Variants in PDCD1LG2 observed in about 807,000 individuals in gnomAD.
PDCD1LG2 encodes programmed cell death 1 ligand 2.
PDCD1LG2 carries 32 observed loss-of-function variants against 28.2 expected under a neutral mutation model. That is an observed-to-expected ratio of 1.13 (90% confidence interval 0.86 to 1.52). PDCD1LG2 has a LOEUF of 1.52. Among genes scored for constraint, PDCD1LG2 ranks in the 40% most tolerant of loss-of-function variants. PDCD1LG2 has a pLI of 0.00. For missense variants in PDCD1LG2, 385 were observed against 323.8 expected, an observed-to-expected ratio of 1.19 and a Z score of -1.45; for synonymous variants, 116 against 120.2, an observed-to-expected ratio of 0.97 and a Z score of 0.23.
chr9:5,518,253 T>G (rs1430356303), intron 1 of PDCD1LG2, among the ~76,000 whole-genome samples: 1 of 152,222 alleles, frequency 6.6e-6, no homozygotes, highest in African/African-American at 2.4e-5. Context: ...ATAAACCATA[T>G]TTTCCCCAGA....
intron 2 of PDCD1LG2, among the ~76,000 whole-genome samples, chr9:5,527,516 T>C (rs551849818): frequency 6.6e-6 from 1 of 152,378 alleles, no homozygotes; most frequent in African/African-American, 2.4e-5. Flanking sequence ...TTGAGTATAT[T>C]CTAGTGTATG....
At chr9:5,565,190 AT>A (rs1001274401) in intron 6 of PDCD1LG2, among the ~76,000 whole-genome samples, 13 of 151,180 alleles carry the variant, frequency 8.6e-5, no homozygotes, top group Middle Eastern at 3.4e-3. Flanking sequence ...ATTTAATTCA[AT>A]TTTTTTTTAG....
rs939466842 is a variant in PDCD1LG2, at chr9:5,554,565, C to T, written c.632-3053C>T. On this transcript the variant is annotated intron_variant, in intron 4 of 6. Transcript: ENST00000397747. ...AGAGTATGGTGGGTGGAGGGTACTC[C>T]ACTGACTCTAGAATGGATGACTGAA... Among the ~76,000 whole-genome samples, 5 of 152,314 alleles carry T rather than the reference C, an allele frequency of 3.3e-5. No homozygotes were observed. In the South Asian group the frequency reaches 1.0e-3, roughly 32 times the overall value.
chr9:5,559,951 C>T (rs894271298), intron 5 of PDCD1LG2, among the ~76,000 whole-genome samples: 7 of 152,176 alleles, frequency 4.6e-5, no homozygotes, highest in African/African-American at 1.4e-4. Flanking sequence ...TTTTCTCATA[C>T]AATATTGTCT....
At chr9:5,537,258 A>G (rs1362498074) in intron 3 of PDCD1LG2, among the ~76,000 whole-genome samples, 1 of 152,202 alleles carries the variant, frequency 6.6e-6, no homozygotes, top group Non-Finnish European at 1.5e-5. Context: ...AGCTACAAAA[A>G]AATGAAAAAT....
At position 5,569,013 on chromosome 9, in the gene PDCD1LG2, GA is replaced by G. The variant is rs1816719800; in HGVS notation, c.817-938del. Reference sequence around the variant, plus strand: ...TTCTAGATAGAGGAGACACTAACAGGAAAGGCAGAGAGGCAGGAAGGTGTGG... The same window carrying G: ...TTCTAGATAGAGGAGACACTAACAGGAAGGCAGAGAGGCAGGAAGGTGTGG... On this transcript the variant is annotated intron_variant, in intron 6 of 6. Transcript: ENST00000397747. The surrounding 1 kb of genome is among the most constrained non-coding windows in gnomAD (Gnocchi z 4.1). 1.3e-5 allele frequency among the ~76,000 whole-genome samples: 2 copies of G among 152,184 alleles called. No individual in the cohort carries two copies. Among genetic ancestry groups the G allele is most frequent in the Non-Finnish European group, 2.9e-5 (2 of 68,038 alleles).
rs1366539084 is a variant in PDCD1LG2 at position 5,569,554 on chromosome 9, A to G, written c.817-400A>G. Among the ~76,000 whole-genome samples the G allele has an allele frequency of 6.6e-6, 1 of 152,240 alleles. No individual in the cohort carries two copies. Among genetic ancestry groups the G allele is most frequent in the Non-Finnish European group, 1.5e-5 (1 of 68,034 alleles). ...GACAGAGGGAGGAGCCCAGTGATGC[A>G]GTCTGCAATGTCATCATCCTGGAGC... On this transcript the variant is annotated intron_variant, in intron 6 of 6. Transcript: ENST00000397747. This position sits in a 1 kb window ranked among gnomAD's most constrained non-coding sequence, Gnocchi z 4.1.
chr9:5,515,934 A>T (rs1342167765), intron 1 of PDCD1LG2, among the ~76,000 whole-genome samples: 1 of 149,470 alleles, frequency 6.7e-6, no homozygotes, highest in African/African-American at 2.4e-5. Flanking sequence ...AAAAAAAAAA[A>T]AAAAAAAAAA....
At chr9:5,550,702 T>C (rs906455110) in intron 4 of PDCD1LG2, among the ~76,000 whole-genome samples, 2 of 151,412 alleles carry the variant, frequency 1.3e-5, no homozygotes, top group African/African-American at 4.9e-5. Context: ...TCTCTCTCTT[T>C]TTTTTTTTTG....
chr9:5,513,521 A>G (rs1417929650), intron 1 of PDCD1LG2, among the ~76,000 whole-genome samples: 1 of 152,240 alleles, frequency 6.6e-6, no homozygotes, highest in African/African-American at 2.4e-5. Context: ...CCCTCTATGA[A>G]TTCTCCAATG....
At chr9:5,525,505 A>G (rs780509627) in intron 2 of PDCD1LG2, among the ~76,000 whole-genome samples, 3 of 151,496 alleles carry the variant, frequency 2.0e-5, no homozygotes, top group Non-Finnish European at 4.4e-5. Flanking sequence ...TTTGCAGAAT[A>G]TATATTATAT....
chr9:5,527,963 G>C (rs1239921124), intron 2 of PDCD1LG2, among the ~76,000 whole-genome samples: 1 of 151,920 alleles, frequency 6.6e-6, no homozygotes, highest in Non-Finnish European at 1.5e-5. Flanking sequence ...CAAGTAGCTG[G>C]GATTACAGGC....
rs1312355111 is a variant in PDCD1LG2 at position 5,570,551 on chromosome 9, C to T, written c.*592C>T. On this transcript the variant is annotated 3_prime_UTR_variant, in exon 7 of 7. Transcript: ENST00000397747. The stretch of plus-strand genomic sequence containing the variant: ...AGCATTTAAATATACACTAAGTGCA[C>T]AAATTGTGGAGTAAAGTCATCAAGC... 1 of 232,556 alleles carries T rather than the reference C, an allele frequency of 4.3e-6. No individual in the cohort carries two copies. Among genetic ancestry groups the T allele is most frequent in the African/African-American group, 2.2e-5 (1 of 45,270 alleles). 14.4% of individuals were successfully genotyped at this position (232,556 alleles called of 1,614,324 possible).
chr9:5,521,925 T>TG (rs1820282428), intron 1 of PDCD1LG2, among the ~76,000 whole-genome samples: 1 of 152,072 alleles, frequency 6.6e-6, no homozygotes, highest in South Asian at 2.1e-4. Context: ...AGGACCAAGG[T>TG]GGGGCATTCG....
At chr9:5,565,502 T>G (rs1816649084) in intron 6 of PDCD1LG2, among the ~76,000 whole-genome samples, 1 of 152,178 alleles carries the variant, frequency 6.6e-6, no homozygotes, top group African/African-American at 2.4e-5. Flanking sequence ...CAACACTCTC[T>G]TGCTTAATCT....
At chr9:5,546,656 C>T (rs933294891) in intron 3 of PDCD1LG2, among the ~76,000 whole-genome samples, 2 of 152,138 alleles carry the variant, frequency 1.3e-5, no homozygotes, top group Non-Finnish European at 2.9e-5. Flanking sequence ...TGCACCATCC[C>T]TAGACATCTG....
At chr9:5,520,633 A>G (rs1820255730) in intron 1 of PDCD1LG2, among the ~76,000 whole-genome samples, 1 of 152,222 alleles carries the variant, frequency 6.6e-6, no homozygotes, top group Non-Finnish European at 1.5e-5. Context: ...ATAAAAGAAA[A>G]AAGTAGATAA....
At chr9:5,561,384 T>C (rs1248244084) in intron 5 of PDCD1LG2, among the ~76,000 whole-genome samples, 1 of 152,178 alleles carries the variant, frequency 6.6e-6, no homozygotes, top group East Asian at 1.9e-4. Context: ...AGAAGTGTCT[T>C]TATGCTGGAG....
intron 1 of PDCD1LG2, among the ~76,000 whole-genome samples, chr9:5,516,540 A>C (rs1178363328): frequency 6.6e-6 from 1 of 152,096 alleles, no homozygotes; most frequent in East Asian, 1.9e-4. Flanking sequence ...CAGGGACCTA[A>C]CCCCTTTCCG....
Sources: allele counts gnomAD v4.1 joint callset (sites outside exome capture counted in the v4.1 genomes callset), GRCh38; gene constraint gnomAD v4.1.1; non-coding constraint Gnocchi (gnomAD v3.1); transcripts MANE v1.5; gene names NCBI Gene and HGNC (gene_info 2026-07-23, HGNC 2026-07-21).